FAM20B: variants seen among roughly 807,000 people sequenced by gnomAD.
FAM20B encodes FAM20B glycosaminoglycan xylosylkinase.
In FAM20B, 23 loss-of-function variants were observed where a neutral mutation model predicts 43.8. The ratio of observed to expected loss-of-function variants is 0.53; its 90% CI spans 0.38 to 0.74. The LOEUF is 0.74. FAM20B is among the 30% of genes least tolerant of loss of function. The pLI is 0.00. For synonymous variants in FAM20B, 178 were observed against 192.4 expected (o/e 0.93, Z 0.62); for missense variants, 440 against 510.5 (o/e 0.86, Z 1.33).
At chr1:179,056,593 C>T (rs905558445) in intron 4 of FAM20B, among the ~76,000 whole-genome samples, 1 of 152,170 alleles carries the variant, frequency 6.6e-6, no homozygotes, top group Non-Finnish European at 1.5e-5. Flanking sequence ...ATAAAGCTGC[C>T]ATAAACATCT....
Position 179,072,135 on chromosome 1 carries a change from A to G in FAM20B, c.1221A>G (p.Ser407=), listed in dbSNP as rs1296299976. 6.2e-7 allele frequency: 1 copy of G among 1,609,396 alleles called. No homozygotes were observed. The highest frequency in any genetic ancestry group is 8.5e-7 in the Non-Finnish European group (1 of 1,176,770). ...TGGTGGAAGACAGGATGCCTCTCTC[A>G]CACTTGTAATTCTCGACACAAAATA... The part of the protein sequence containing the change: ...TVLVEDRMPL[S]HL Residue 407 remains serine (S), a synonymous_variant, in exon 8 of 8, where the codon TCA becomes TCG. Coordinates refer to ENST00000263733, the MANE Select transcript of FAM20B (RefSeq NM_014864.4).
intron 4 of FAM20B, among the ~76,000 whole-genome samples, chr1:179,060,829 A>G (rs1299430765): frequency 6.6e-6 from 1 of 152,226 alleles, no homozygotes; most frequent in African/African-American, 2.4e-5. Context: ...ACCAGTTTAT[A>G]TTCCCATAGA....
chr1:179,044,322 C>G, intron 2 of FAM20B, 98 bp downstream of exon 2: 1 of 1,381,532 alleles, frequency 7.2e-7, no homozygotes, highest in Non-Finnish European at 9.8e-7. Context: ...TTGGAAGTCT[C>G]TTCAGTAAAA....
chr1:179,020,108 AC>A, the FAM20B span, among the ~76,000 whole-genome samples: 2 of 150,784 alleles, frequency 1.3e-5, no homozygotes, highest in Non-Finnish European at 3.0e-5. Flanking sequence ...CTAGATTTCA[AC>A]CCATAGATGT....
At position 179,043,907 on chromosome 1, in the gene FAM20B, C is replaced by G. The variant is rs545932932; in HGVS notation, c.60C>G (p.Thr20=). ...LAILLVIFIF[T]KVFLIDNLDT... ...TTCTCCTTGTCATTTTTATCTTCAC[C>G]AAAGTTTTCCTGATTGACAACTTAG... The change falls in exon 2 of 8, where the codon ACC becomes ACG. Residue 20 remains threonine (T), a synonymous_variant. Transcript: ENST00000263733. 26 of 1,610,814 alleles carry G rather than the reference C, an allele frequency of 1.6e-5. No homozygotes were observed. The South Asian group carries it at 2.7e-4, about 17-fold the overall frequency.
intron 1 of FAM20B, among the ~76,000 whole-genome samples, chr1:179,028,058 C>G (rs183664474): frequency 6.6e-6 from 1 of 152,318 alleles, no homozygotes; most frequent in African/African-American, 2.4e-5. Context: ...ATGAAACTTT[C>G]TGTTCCTTCA....
chr1:179,032,696 A>T (rs1650064134), intron 1 of FAM20B, among the ~76,000 whole-genome samples: 2 of 152,330 alleles, frequency 1.3e-5, no homozygotes, highest in South Asian at 4.1e-4. Flanking sequence ...AAGAAAAAAT[A>T]TCTATAGATA....
chr1:179,034,883 C>G (rs1042716053), intron 1 of FAM20B, among the ~76,000 whole-genome samples: 6 of 152,156 alleles, frequency 3.9e-5, no homozygotes, highest in Non-Finnish European at 7.3e-5. Context: ...TCATAAGAAC[C>G]TGATTTGACC....
upstream of FAM20B, among the ~76,000 whole-genome samples, chr1:179,021,607 G>C (rs555921177): frequency 3.5e-4 from 54 of 152,284 alleles, no homozygotes; most frequent in South Asian, 1.5e-3. Flanking sequence ...ACAGCTTTGA[G>C]AGCCATAACT....
intron 4 of FAM20B, among the ~76,000 whole-genome samples, chr1:179,057,961 G>C (rs894348442): frequency 2.0e-5 from 3 of 152,092 alleles, no homozygotes; most frequent in Non-Finnish European, 4.4e-5. Context: ...GAATATTTTA[G>C]GTTTGTATTT....
At chr1:179,053,459 A>T (rs1334665360) in intron 3 of FAM20B, among the ~76,000 whole-genome samples, 2 of 152,016 alleles carry the variant, frequency 1.3e-5, no homozygotes, top group Non-Finnish European at 2.9e-5. Flanking sequence ...AAACAAACAA[A>T]CAAACAAACA....
At position 179,073,280 on chromosome 1, in the gene FAM20B, A is replaced by G. The variant is rs1652003614; in HGVS notation, c.*1136A>G. 6.6e-6 allele frequency: 1 copy of G among 152,108 alleles called. No homozygotes were observed. The highest frequency in any genetic ancestry group is 2.4e-5 in the African/African-American group (1 of 41,416). 9.4% of individuals were successfully genotyped at this position (152,108 alleles called of 1,614,324 possible). On this transcript the variant is annotated 3_prime_UTR_variant, in exon 8 of 8. Coordinates refer to ENST00000263733, the MANE Select transcript of FAM20B (RefSeq NM_014864.4). Reference sequence around the variant, plus strand: ...ATCTTGTGATTTGGGGCCATGGAAGATTGGAAACAAAGATTTTAAGCCTTC... The same window carrying G: ...ATCTTGTGATTTGGGGCCATGGAAGGTTGGAAACAAAGATTTTAAGCCTTC...
At position 179,049,511 on chromosome 1, in the gene FAM20B, A is replaced by G. The variant is rs181457583; in HGVS notation, c.378-768A>G. 3.3e-5 allele frequency among the ~76,000 whole-genome samples: 5 copies of G among 152,330 alleles called. No homozygotes were observed. In the East Asian group the frequency reaches 5.8e-4, roughly 18 times the overall value. On this transcript the variant is annotated intron_variant, in intron 2 of 7. Coordinates refer to ENST00000263733, the MANE Select transcript of FAM20B (RefSeq NM_014864.4). ...TTTCCCCCAAATTTAAATTTCTCTT[A>G]TAAGCTTTGCCACAGCCATTCTGGT... is the stretch of plus-strand genomic sequence containing the variant.
At position 179,068,356 on chromosome 1, in the gene FAM20B, T is replaced by C. The variant is rs953264809; in HGVS notation, c.998+1497T>C. On this transcript the variant is annotated intron_variant, in intron 7 of 7. Coordinates refer to ENST00000263733, the MANE Select transcript of FAM20B (RefSeq NM_014864.4). ...TTGTGTGTTTGTCTTTGAAGATGTTTTTGTGGTAGTAGTTTTATCAGTCTG... is the reference window on the plus strand; with the variant it reads ...TTGTGTGTTTGTCTTTGAAGATGTTCTTGTGGTAGTAGTTTTATCAGTCTG... 9.2e-5 allele frequency among the ~76,000 whole-genome samples: 14 copies of C among 152,310 alleles called. No individual in the cohort carries two copies. The South Asian group carries it at 1.0e-3, about 11-fold the overall frequency.
chr1:179,043,141 A>G (rs569783749), intron 1 of FAM20B, among the ~76,000 whole-genome samples: 1 of 152,296 alleles, frequency 6.6e-6, no homozygotes, highest in South Asian at 2.1e-4. Context: ...ACACTGAGCC[A>G]TCCTCAGTCC....
chr1:179,054,716 C>T (rs1306242902), intron 4 of FAM20B, 78 bp downstream of exon 4: 10 of 868,462 alleles, frequency 1.2e-5, no homozygotes, highest in Non-Finnish European at 1.9e-5. Flanking sequence ...CAAGCTGGCT[C>T]ATGACTTTTA....
chr1:179,023,048 T>G (rs1323965566), upstream of FAM20B, among the ~76,000 whole-genome samples: 1 of 152,204 alleles, frequency 6.6e-6, no homozygotes, highest in Non-Finnish European at 1.5e-5. Flanking sequence ...GGATAAGGAA[T>G]TAGCAGAAAA....
At position 179,072,017 on chromosome 1, in the gene FAM20B, C is replaced by T; in HGVS notation, c.1103C>T (p.Ser368Phe). ...CATGACCCCATCTCCCCAGTGCTCT[C>T]TGATCCTCATCTGGACGCCGTGGAC... ...MAHDPISPVL[S>F]DPHLDAVDQR... Residue 368 changes from serine to phenylalanine, a missense_variant, in exon 8 of 8, where the codon TCT (serine) becomes TTT (phenylalanine). Transcript: ENST00000263733. The T allele has an allele frequency of 6.2e-7, 1 of 1,614,220 alleles. No individual in the cohort carries two copies. Among genetic ancestry groups the T allele is most frequent in the South Asian group, 1.1e-5 (1 of 91,084 alleles).
chr1:179,031,413 T>A (rs1407436434), intron 1 of FAM20B, among the ~76,000 whole-genome samples: 2 of 152,236 alleles, frequency 1.3e-5, no homozygotes. Context: ...TTTTTCTTTT[T>A]CATTTTTCAA....
Sources: allele counts gnomAD v4.1 joint callset (sites outside exome capture counted in the v4.1 genomes callset), GRCh38; gene constraint gnomAD v4.1.1; transcripts MANE v1.5; gene names NCBI Gene and HGNC (gene_info 2026-07-23, HGNC 2026-07-21).